PWWP2A: variants seen among roughly 807,000 people sequenced by gnomAD.
PWWP2A encodes the protein PWWP domain containing 2A.
In PWWP2A, 18 loss-of-function variants were observed where a neutral mutation model predicts 48.5. The ratio of observed to expected loss-of-function variants is 0.37; its 90% CI spans 0.26 to 0.55. The LOEUF is 0.55. Ranked by LOEUF, PWWP2A falls within the 20% of genes least tolerant of loss-of-function variation. PWWP2A has a pLI of 0.81. For synonymous variants in PWWP2A, 396 were observed against 387.7 expected (o/e 1.02, Z -0.25); for missense variants, 867 against 976.4 (o/e 0.89, Z 1.49).
intron 1 of PWWP2A, among the ~76,000 whole-genome samples, chr5:160,108,938 A>T (rs1489870509): frequency 6.6e-6 from 1 of 152,130 alleles, no homozygotes; most frequent in Non-Finnish European, 1.5e-5. Context: ...TCAGTCTCCC[A>T]AAGTGCTGGG....
intron 2 of PWWP2A, among the ~76,000 whole-genome samples, chr5:160,070,500 C>G (rs1753716755): frequency 6.6e-6 from 1 of 151,838 alleles, no homozygotes; most frequent in African/African-American, 2.4e-5. Flanking sequence ...AAACAAAAAA[C>G]TATGCTTTTC....
intron 1 of PWWP2A, among the ~76,000 whole-genome samples, chr5:160,094,874 C>T (rs555350001): frequency 6.6e-5 from 10 of 151,408 alleles, no homozygotes; most frequent in South Asian, 2.1e-4. Context: ...GGTGAAACCC[C>T]GTCTCTACTA....
chr5:160,102,339 C>T (rs777769238), intron 1 of PWWP2A, among the ~76,000 whole-genome samples: 3 of 134,300 alleles, frequency 2.2e-5, no homozygotes, highest in South Asian at 4.9e-4. Flanking sequence ...ACCAAGGAGG[C>T]GAGTTTACAG....
chr5:160,099,058 A>T (rs183191693), intron 1 of PWWP2A, among the ~76,000 whole-genome samples: 97 of 152,380 alleles, frequency 6.4e-4, no homozygotes, highest in Middle Eastern at 6.8e-3. Context: ...TGCCCAAAAC[A>T]TAAATCATAA....
In PWWP2A at chr5:160,065,774, T is replaced by C. The variant is rs185203298; in HGVS notation, c.*236+774A>G. Among the ~76,000 whole-genome samples the C allele has an allele frequency of 1.3e-3, 204 of 152,378 alleles. 4 individuals are homozygous for C. Among genetic ancestry groups the C allele is most frequent in the Non-Finnish European group, 1.9e-4 (13 of 68,044 alleles). ...TATCTTGGGCCCCTCCAGGTTTGTA[T>C]AGATAATTATAAATCTGTGTTTGAC... On this transcript the variant is annotated intron_variant and NMD_transcript_variant, in intron 4 of 5. Transcript: ENST00000524050.
downstream of PWWP2A, among the ~76,000 whole-genome samples, chr5:160,071,630 G>A (rs1471619841): frequency 1.3e-5 from 2 of 152,166 alleles, no homozygotes; most frequent in Non-Finnish European, 2.9e-5. Context: ...CACGTAGGAT[G>A]GGAAATATCT....
At position 160,078,169 on chromosome 5, in the gene PWWP2A, C is replaced by CT; in HGVS notation, c.1670-2dup. 1.3e-6 allele frequency: 2 copies of CT among 1,554,148 alleles called. No individual in the cohort carries two copies. The highest frequency in any genetic ancestry group is 1.7e-6 in the Non-Finnish European group (2 of 1,146,840). Reference sequence around the variant, plus strand: ...CCAGCAGCCTGCTAATGTCTTTGTGCTGAAATATAGTAAAGAAAAGGAAGA... The same window carrying CT: ...CCAGCAGCCTGCTAATGTCTTTGTGCTTGAAATATAGTAAAGAAAAGGAAGA... On this transcript the variant is annotated splice_acceptor_variant, in intron 3 of 3. Coordinates refer to the PWWP2A transcript ENST00000456329. LOFTEE classifies it high-confidence loss of function. The surrounding 1 kb of genome is among the most constrained non-coding windows in gnomAD (Gnocchi z 4.2).
intron 1 of PWWP2A, 86 bp downstream of exon 1, chr5:160,118,719 G>T (rs1008094978): frequency 1.9e-5 from 24 of 1,263,672 alleles, no homozygotes; most frequent in Middle Eastern, 2.7e-4. Flanking sequence ...GCGGGGAAGC[G>T]AGGGCTCGGG....
intron 1 of PWWP2A, among the ~76,000 whole-genome samples, chr5:160,112,364 G>T (rs769616404): frequency 6.6e-6 from 1 of 151,916 alleles, no homozygotes; most frequent in Non-Finnish European, 1.5e-5. Flanking sequence ...GGGATTATAA[G>T]TGCATGCCAC....
Position 160,093,144 on chromosome 5 carries a change from C to T in PWWP2A, c.1506G>A (p.Met502Ile). The change falls in exon 2 of 2, where the codon ATG becomes ATA. Residue 502 changes from methionine to isoleucine, a missense_variant. By Grantham distance (10) the Met-to-Ile change is conservative. Coordinates refer to ENST00000307063, the MANE Select transcript of PWWP2A (RefSeq NM_001130864.2). The surrounding 1 kb of genome is among the most constrained non-coding windows in gnomAD (Gnocchi z 5.8). Reference protein sequence around the residue: ...TGLEKMRSGKMAPKPQSRCTS... With the variant: ...TGLEKMRSGKIAPKPQSRCTS... ...TGCAGCGAGACTGGGGCTTGGGTGCCATCTTGCCACTCCGCATTTTCTCAA... is the reference window on the plus strand; with the variant it reads ...TGCAGCGAGACTGGGGCTTGGGTGCTATCTTGCCACTCCGCATTTTCTCAA... 1 of 1,613,878 alleles carries T rather than the reference C, an allele frequency of 6.2e-7. No homozygotes were observed. The highest frequency in any genetic ancestry group is 8.5e-7 in the Non-Finnish European group (1 of 1,179,872).
At chr5:160,098,539 T>G (rs1755922738) in intron 1 of PWWP2A, among the ~76,000 whole-genome samples, 1 of 152,156 alleles carries the variant, frequency 6.6e-6, no homozygotes, top group Non-Finnish European at 1.5e-5. Context: ...GAAATCAATT[T>G]CAGGGGTCAC....
Position 160,092,365 on chromosome 5 carries a change from T to A in PWWP2A, c.*17A>T. ...TGTGGTGACTTCCAATGGTCTTGCC[T>A]ACCTTACTGCCCATGTTCACGTTTC... On this transcript the variant is annotated 3_prime_UTR_variant, in exon 2 of 2. Coordinates refer to ENST00000307063, the MANE Select transcript of PWWP2A (RefSeq NM_001130864.2). The A allele has an allele frequency of 6.6e-7, 1 of 1,517,884 alleles. No homozygotes were observed. The allele number at this position is 1,517,884 out of a possible 1,614,324, so 94.0% of individuals were successfully genotyped here. A position where few individuals can be genotyped will look rare whatever the true frequency, so the allele number is the denominator to read the frequency against.
chr5:160,085,755 T>C (rs1385081516), intron 2 of PWWP2A, among the ~76,000 whole-genome samples: 1 of 152,004 alleles, frequency 6.6e-6, no homozygotes, highest in Non-Finnish European at 1.5e-5. Context: ...TCCGCCCGCC[T>C]TGGCCTCCCA....
intron 3 of PWWP2A, chr5:160,066,616 GAAA>G (rs539871625): frequency 6.6e-6 from 1 of 150,732 alleles, no homozygotes; most frequent in African/African-American, 2.4e-5. Context: ...TCATAGTCTG[GAAA>G]AAAAAATTTT....
At chr5:160,086,190 T>C (rs534015494) in intron 2 of PWWP2A, among the ~76,000 whole-genome samples, 1 of 152,152 alleles carries the variant, frequency 6.6e-6, no homozygotes, top group Non-Finnish European at 1.5e-5. Context: ...CAACTTCTTT[T>C]TAATGATACT....
downstream of PWWP2A, among the ~76,000 whole-genome samples, chr5:160,074,064 C>CA (rs57010218): frequency 0.026 from 1,877 of 71,438 alleles, 20 homozygotes; most frequent in Middle Eastern, 0.053. Context: ...GACTCCGTTT[C>CA]AAAAAAAAAA....
chr5:160,045,846 G>A, the PWWP2A span, among the ~76,000 whole-genome samples: 2 of 152,080 alleles, frequency 1.3e-5, no homozygotes, highest in South Asian at 2.1e-4. Flanking sequence ...AGGTTCAAGC[G>A]ACTCTTCTGC....
chr5:160,112,711 A>G (rs1757714588), intron 1 of PWWP2A, among the ~76,000 whole-genome samples: 1 of 151,816 alleles, frequency 6.6e-6, no homozygotes, highest in Non-Finnish European at 1.5e-5. Context: ...CATTTTACAT[A>G]TAAACTGAGG....
downstream of PWWP2A, among the ~76,000 whole-genome samples, chr5:160,073,983 T>G (rs1053925987): frequency 6.6e-6 from 1 of 150,796 alleles, no homozygotes; most frequent in African/African-American, 2.4e-5. Flanking sequence ...GAGAATCTCT[T>G]GAACCCAGGG....
Sources: allele counts gnomAD v4.1 joint callset (sites outside exome capture counted in the v4.1 genomes callset), GRCh38; gene constraint gnomAD v4.1.1; non-coding constraint Gnocchi (gnomAD v3.1); transcripts MANE v1.5; gene names NCBI Gene and HGNC (gene_info 2026-07-23, HGNC 2026-07-21).